The following MID2 variants were observed in gnomAD, a reference collection of about 807,000 sequenced individuals.
MID2 encodes midline 2.
MID2 carries 13 observed loss-of-function variants against 46.1 expected under a neutral mutation model. The observed-to-expected ratio is 0.28, with a 90% CI of 0.18 to 0.45. MID2 has a LOEUF of 0.45. MID2 is among the 20% of genes least tolerant of loss of function. MID2 has a pLI of 1.00. For missense variants in MID2, 431 were observed against 575.4 expected (o/e 0.75, Z 2.57); for synonymous variants, 199 against 212.3 (o/e 0.94, Z 0.55).
chrX:107,918,037 C>T (rs1208191558), intron 7 of MID2, among the ~76,000 whole-genome samples: 1 of 111,499 alleles, frequency 9.0e-6, no homozygotes, highest in Non-Finnish European at 1.9e-5. Flanking sequence ...ACTTCATTAT[C>T]GTGGTAAAAT....
intron 3 of MID2, among the ~76,000 whole-genome samples, chrX:107,864,144 C>T (rs377541094): frequency 1.8e-5 from 2 of 112,152 alleles, no homozygotes; most frequent in Non-Finnish European, 3.8e-5. Context: ...TACTTGCCAC[C>T]GATTCATTTG....
In MID2 at chrX:107,826,256, A is replaced by ACGGTAG. The variant is rs776435301; in HGVS notation, c.-167_-162dup. The ACGGTAG allele has an allele frequency of 1.6e-3, 719 of 444,495 alleles. 5 individuals are homozygous for ACGGTAG. In the African/African-American group the frequency reaches 0.016, roughly 10 times the overall value. The allele number at this position is 444,495 out of a possible 1,213,427, so 36.6% of individuals were successfully genotyped here. On this transcript the variant is annotated 5_prime_UTR_variant, in exon 1 of 10. Transcript: ENST00000262843. ...TCCCGGCTGCTGCGCGGCGTCGGCG[A>ACGGTAG]CGGTAGCGGCAGCGGCGGCGAAGGC...
intron 5 of MID2, among the ~76,000 whole-genome samples, chrX:107,913,810 A>G (rs1932925250): frequency 9.0e-6 from 1 of 111,539 alleles, no homozygotes; most frequent in Non-Finnish European, 1.9e-5. Context: ...CACTGAAGCC[A>G]TAGTAGTATT....
At position 107,927,201 on chromosome X, in the gene MID2, T is replaced by C; in HGVS notation, c.*128T>C. 3.7e-6 allele frequency: 2 copies of C among 543,263 alleles called. No individual in the cohort carries two copies. Among genetic ancestry groups the C allele is most frequent in the Middle Eastern group, 5.6e-4 (1 of 1,798 alleles). 44.8% of individuals were successfully genotyped at this position (543,263 alleles called of 1,213,427 possible). A position where few individuals can be genotyped will look rare whatever the true frequency, so the allele number is the denominator to read the frequency against. ...TTGAAGCATCCAAAATAACTAGATA[T>C]TGCAGATTTAATTTTTGTGCATTAA... is the stretch of plus-strand genomic sequence containing the variant. On this transcript the variant is annotated 3_prime_UTR_variant, in exon 10 of 10. Transcript: ENST00000262843.
intron 7 of MID2, among the ~76,000 whole-genome samples, chrX:107,922,087 C>G (rs1167468020): frequency 1.8e-5 from 2 of 111,705 alleles, no homozygotes; most frequent in African/African-American, 6.5e-5. Flanking sequence ...TGCACATACA[C>G]AAACATATAT....
intron 3 of MID2, among the ~76,000 whole-genome samples, chrX:107,860,549 A>G (rs1375881458): frequency 8.9e-6 from 1 of 112,260 alleles, no homozygotes; most frequent in Non-Finnish European, 1.9e-5. Flanking sequence ...CTCCAGCCCA[A>G]TTGTTTGTCA....
At chrX:107,852,674 GA>G (rs1931654150) in intron 2 of MID2, among the ~76,000 whole-genome samples, 1 of 111,788 alleles carries the variant, frequency 8.9e-6, no homozygotes, top group African/African-American at 3.3e-5. Flanking sequence ...GAGAAAATGT[GA>G]AATCACACTA....
At position 107,840,041 on chromosome X, in the gene MID2, A is replaced by G. The variant is rs191520602; in HGVS notation, c.5-629A>G. Among the ~76,000 whole-genome samples the G allele has an allele frequency of 4.2e-4, 47 of 112,452 alleles. 1 individual carries two copies. The highest frequency in any genetic ancestry group is 1.5e-3 in the African/African-American group (46 of 31,004). ...ATCTCAAGTAACTCAGTTTACTAGG[A>G]ATAGAATGGAACGGAAATTTCCATG... On this transcript the variant is annotated intron_variant, in intron 1 of 9. Transcript: ENST00000262843.
rs1931327536 is a variant in MID2 at position 107,840,935 on chromosome X, G to A, written c.270G>A (p.Leu90=). The part of the protein sequence containing the change: ...RYVISLNHRG[L]DGLKRNVTLQ... ...TTATCTCGCTGAACCACCGGGGCCT[G>A]GATGGCCTCAAGAGGAATGTGACTC... Residue 90 remains leucine, a synonymous_variant, in exon 2 of 10, where the codon CTG becomes CTA. Coordinates refer to ENST00000262843, the MANE Select transcript of MID2 (RefSeq NM_012216.4). 1 of 1,209,445 alleles carries A rather than the reference G, an allele frequency of 8.3e-7. No individual in the cohort carries two copies. Among genetic ancestry groups the A allele is most frequent in the African/African-American group, 1.8e-5 (1 of 56,919 alleles).
At chrX:107,874,484 AG>A (rs762817417) in intron 3 of MID2, among the ~76,000 whole-genome samples, 6 of 112,669 alleles carry the variant, frequency 5.3e-5, no homozygotes, top group African/African-American at 1.6e-4. Context: ...CTCCTTACTT[AG>A]GTAGCCTACA....
At chrX:107,885,170 G>A (rs565684899) in intron 3 of MID2, among the ~76,000 whole-genome samples, 2 of 108,401 alleles carry the variant, frequency 1.8e-5, no homozygotes, top group African/African-American at 6.8e-5. Context: ...TGTGCACAAC[G>A]TGCAGGTTTG....
Position 107,826,210 on chromosome X carries a change from C to A in MID2, c.-217C>A. 3.2e-6 allele frequency: 1 copy of A among 316,155 alleles called. No individual in the cohort carries two copies. The highest frequency in any genetic ancestry group is 5.2e-6 in the Non-Finnish European group (1 of 192,067). The allele number at this position is 316,155 out of a possible 1,213,427, so 26.1% of individuals were successfully genotyped here. A position where few individuals can be genotyped will look rare whatever the true frequency, so the allele number is the denominator to read the frequency against. On this transcript the variant is annotated 5_prime_UTR_variant, in exon 1 of 10. Coordinates refer to ENST00000262843, the MANE Select transcript of MID2 (RefSeq NM_012216.4). ...ATCGCGGCCGCCGTGCTGTCCCCTG[C>A]GGGGCGCGCGGGCTGGCGGATCCCG... is the stretch of plus-strand genomic sequence containing the variant.
At position 107,891,733 on chromosome X, in the gene MID2, AG is replaced by A. The variant is rs1191792058; in HGVS notation, c.817-12223del. Reference sequence around the variant, plus strand: ...GAGTTCAGCGTTGGTTATTATTCTGAGGCTTCCCTTCCCTCTGATGCTTACA... The same window carrying A: ...GAGTTCAGCGTTGGTTATTATTCTGAGCTTCCCTTCCCTCTGATGCTTACA... On this transcript the variant is annotated intron_variant, in intron 3 of 9. Transcript: ENST00000262843. 3.6e-5 allele frequency among the ~76,000 whole-genome samples: 4 copies of A among 111,875 alleles called. No individual in the cohort carries two copies. The Admixed American group carries it at 3.8e-4, about 11-fold the overall frequency.
intron 3 of MID2, among the ~76,000 whole-genome samples, chrX:107,884,084 T>A (rs1330165848): frequency 3.6e-5 from 4 of 112,388 alleles, no homozygotes; most frequent in African/African-American, 6.5e-5. Context: ...TAGAAACATT[T>A]TTATCTACAT....
chrX:107,873,836 A>G (rs1569465900), intron 3 of MID2, among the ~76,000 whole-genome samples: 1 of 111,676 alleles, frequency 9.0e-6, no homozygotes, highest in Non-Finnish European at 1.9e-5. Context: ...ATGGTATTTA[A>G]TGGGACTCCC....
Position 107,839,081 on chromosome X carries a change from C to A in MID2, c.5-1589C>A, listed in dbSNP as rs373723407. Among the ~76,000 whole-genome samples, 4 of 110,789 alleles carry A rather than the reference C, an allele frequency of 3.6e-5. No individual in the cohort carries two copies. The East Asian group carries it at 8.5e-4, about 24-fold the overall frequency. ...GCAGTTAGCCAAGATTGTACCACTGCACTCCACCCTGAATGACAGAGGGAC... is the reference window on the plus strand; with the variant it reads ...GCAGTTAGCCAAGATTGTACCACTGAACTCCACCCTGAATGACAGAGGGAC... On this transcript the variant is annotated intron_variant, in intron 1 of 9. Transcript: ENST00000262843.
chrX:107,861,616 G>A (rs1405411318), intron 3 of MID2, among the ~76,000 whole-genome samples: 1 of 112,149 alleles, frequency 8.9e-6, no homozygotes, highest in Non-Finnish European at 1.9e-5. Context: ...GGGAAACTCT[G>A]TCTCAAAACA....
At chrX:107,868,524 G>C (rs190964537) in intron 3 of MID2, among the ~76,000 whole-genome samples, 7 of 111,533 alleles carry the variant, frequency 6.3e-5, no homozygotes, top group African/African-American at 2.3e-4. Flanking sequence ...GAGGACTGAT[G>C]AACTTTCTAG....
chrX:107,854,809 G>A, intron 3 of MID2, 105 bp downstream of exon 3: 1 of 538,662 alleles, frequency 1.9e-6, no homozygotes, highest in South Asian at 3.1e-5. Flanking sequence ...TGGAATGAAG[G>A]ATTGAATGGC....
Sources: allele counts gnomAD v4.1 joint callset (sites outside exome capture counted in the v4.1 genomes callset), GRCh38; gene constraint gnomAD v4.1.1; transcripts MANE v1.5; gene names NCBI Gene and HGNC (gene_info 2026-07-23, HGNC 2026-07-21).